The following CPQ variants were observed in gnomAD, a reference collection of about 807,000 sequenced individuals.
CPQ encodes carboxypeptidase Q.
A neutral mutation model predicts 45.7 loss-of-function variants in CPQ; 37 were observed. The observed-to-expected ratio is 0.81, with a 90% CI of 0.62 to 1.07. The LOEUF (loss-of-function observed/expected upper bound fraction) is 1.07. Among genes scored for constraint, CPQ ranks in the 50% least tolerant of loss-of-function variants. The probability of loss-of-function intolerance (pLI) is 0.00; values close to 1 mark genes in which losing one functional copy is unlikely to be tolerated. For missense variants in CPQ, 537 were observed against 572.9 expected (o/e 0.94, Z 0.64); for synonymous variants, 186 against 205.8 (o/e 0.90, Z 0.82).
At chr8:96,783,389 G>A (rs2130807534) in intron 1 of CPQ, among the ~76,000 whole-genome samples, 1 of 152,146 alleles carries the variant, frequency 6.6e-6, no homozygotes, top group East Asian at 1.9e-4. Context: ...GGCCACATCT[G>A]GTGAGGGTCT....
chr8:97,027,012 TA>T (rs556763267), intron 5 of CPQ, among the ~76,000 whole-genome samples: 15 of 152,176 alleles, frequency 9.9e-5, no homozygotes, highest in African/African-American at 2.4e-4. Context: ...CGGAGATATG[TA>T]AAAAAAAGTG....
intron 1 of CPQ, among the ~76,000 whole-genome samples, chr8:96,671,940 G>C (rs1334794317): frequency 6.6e-6 from 1 of 152,068 alleles, no homozygotes; most frequent in East Asian, 1.9e-4. Flanking sequence ...ATGATTTTTA[G>C]GGGCCTGGCA....
At chr8:96,949,879 G>A (rs1443740466) in intron 4 of CPQ, among the ~76,000 whole-genome samples, 1 of 151,996 alleles carries the variant, frequency 6.6e-6, no homozygotes, top group African/African-American at 2.4e-5. Flanking sequence ...TGATTCTAAT[G>A]CGTTTCTAGT....
intron 1 of CPQ, among the ~76,000 whole-genome samples, chr8:96,683,179 G>A (rs776960623): frequency 2.0e-5 from 3 of 151,936 alleles, no homozygotes; most frequent in Admixed American, 2.0e-4. Context: ...GTAGGATTCC[G>A]TTAAGTATTT....
At chr8:96,645,565 G>C (rs1315819634) in intron 1 of CPQ, among the ~76,000 whole-genome samples, 163 bp downstream of exon 1, 1 of 152,190 alleles carries the variant, frequency 6.6e-6, no homozygotes, top group Non-Finnish European at 1.5e-5. Context: ...GGGAGGACCT[G>C]GCTGGGGAGC....
chr8:96,725,780 C>G (rs1286002292), intron 1 of CPQ, among the ~76,000 whole-genome samples: 1 of 152,156 alleles, frequency 6.6e-6, no homozygotes, highest in Admixed American at 6.5e-5. Context: ...AAGACACATG[C>G]ACTCATATGT....
rs563117169 is a variant in CPQ at position 96,694,683 on chromosome 8, T to C, written c.-35+49281T>C. Among the ~76,000 whole-genome samples, 6 of 151,846 alleles carry C rather than the reference T, an allele frequency of 4.0e-5. No individual in the cohort carries two copies. The East Asian group carries it at 5.8e-4, about 15-fold the overall frequency. On this transcript the variant is annotated intron_variant, in intron 1 of 7. Coordinates refer to ENST00000220763, the MANE Select transcript of CPQ (RefSeq NM_016134.4). ...GTGCTCCTGAATGACCAGTGGGTCA[T>C]TGAAAAAATTAGGAAATTAAAAAAA...
At chr8:96,902,111 T>C (rs1424584088) in intron 4 of CPQ, among the ~76,000 whole-genome samples, 1 of 151,950 alleles carries the variant, frequency 6.6e-6, no homozygotes, top group Admixed American at 6.6e-5. Flanking sequence ...GTCAAGGCAA[T>C]GAGGGATAGA....
chr8:96,899,740 C>T (rs1812491342), intron 4 of CPQ, among the ~76,000 whole-genome samples: 1 of 145,168 alleles, frequency 6.9e-6, no homozygotes, highest in Non-Finnish European at 1.6e-5. Flanking sequence ...GCCCCACCTC[C>T]AGCACTAGGG....
At chr8:96,704,351 G>A (rs1809505487) in intron 1 of CPQ, among the ~76,000 whole-genome samples, 1 of 152,150 alleles carries the variant, frequency 6.6e-6, no homozygotes, top group Non-Finnish European at 1.5e-5. Flanking sequence ...TGAGAATAGT[G>A]TTTGATCCAA....
At chr8:97,052,751 A>G (rs567718548) in intron 6 of CPQ, among the ~76,000 whole-genome samples, 1 of 152,190 alleles carries the variant, frequency 6.6e-6, no homozygotes, top group Non-Finnish European at 1.5e-5. Context: ...AAATAAGAGC[A>G]TCTTATTCCA....
chr8:97,044,171 C>G (rs992598528), intron 6 of CPQ, among the ~76,000 whole-genome samples: 1 of 152,156 alleles, frequency 6.6e-6, no homozygotes, highest in African/African-American at 2.4e-5. Flanking sequence ...TTCTTGGAGG[C>G]TTTGTTTGTT....
intron 7 of CPQ, among the ~76,000 whole-genome samples, chr8:97,124,723 C>A (rs1353356295): frequency 6.6e-6 from 1 of 152,070 alleles, no homozygotes; most frequent in Non-Finnish European, 1.5e-5. Flanking sequence ...TTTATTTGAA[C>A]CTTATTGATA....
chr8:96,980,219 G>A (rs1447060455), intron 5 of CPQ, among the ~76,000 whole-genome samples: 3 of 152,112 alleles, frequency 2.0e-5, no homozygotes, highest in Non-Finnish European at 2.9e-5. Context: ...TGCAACCTCC[G>A]CCTCCTGGGT....
intron 5 of CPQ, among the ~76,000 whole-genome samples, chr8:97,028,224 T>C (rs1029819549): frequency 6.6e-6 from 1 of 152,242 alleles, no homozygotes; most frequent in African/African-American, 2.4e-5. Flanking sequence ...AAACTGTAGC[T>C]CCTCCTTTTC....
chr8:96,771,887 C>A (rs1227344104), intron 1 of CPQ, among the ~76,000 whole-genome samples: 1 of 151,912 alleles, frequency 6.6e-6, no homozygotes, highest in Non-Finnish European at 1.5e-5. Context: ...GGCATGAGTA[C>A]CTACTAACTG....
intron 1 of CPQ, among the ~76,000 whole-genome samples, chr8:96,665,968 G>A (rs1022537654): frequency 1.8e-4 from 27 of 152,200 alleles, no homozygotes; most frequent in African/African-American, 5.6e-4. Context: ...TATCTCCTAT[G>A]ATATGGGGGC....
chr8:96,755,465 A>G (rs1357288075), intron 1 of CPQ, among the ~76,000 whole-genome samples: 5 of 152,062 alleles, frequency 3.3e-5, no homozygotes, highest in South Asian at 4.1e-4. Flanking sequence ...TCAAATTAAA[A>G]TACTTATTCA....
intron 4 of CPQ, among the ~76,000 whole-genome samples, chr8:96,953,252 C>T (rs1051044457): frequency 2.6e-5 from 4 of 152,082 alleles, no homozygotes; most frequent in South Asian, 2.1e-4. Flanking sequence ...ATCTATCTCA[C>T]GGCCTCCTCA....
Sources: allele counts gnomAD v4.1 joint callset (sites outside exome capture counted in the v4.1 genomes callset), GRCh38; gene constraint gnomAD v4.1.1; transcripts MANE v1.5; gene names NCBI Gene and HGNC (gene_info 2026-07-23, HGNC 2026-07-21).